TSPAN11: variants seen among roughly 807,000 people sequenced by gnomAD.
TSPAN11 encodes the protein tetraspanin 11.
TSPAN11 carries 29 observed loss-of-function variants against 32.9 expected under a neutral mutation model. That is an observed-to-expected ratio of 0.88 (90% CI 0.66 to 1.20). The LOEUF is 1.20. Among genes scored for constraint, TSPAN11 ranks in the 50% most tolerant of loss-of-function variants. TSPAN11 has a pLI of 0.00. For missense variants in TSPAN11, 283 were observed against 329.1 expected (o/e 0.86, Z 1.08); for synonymous variants, 140 against 141.3 (o/e 0.99, Z 0.07).
intron 1 of TSPAN11, among the ~76,000 whole-genome samples, chr12:30,941,306 G>A (rs958501001): frequency 2.0e-5 from 3 of 152,210 alleles, no homozygotes; most frequent in African/African-American, 7.2e-5. Flanking sequence ...CCAATCCCCC[G>A]CATATACTGT....
chr12:30,936,910 C>T (rs1938057036), intron 1 of TSPAN11, among the ~76,000 whole-genome samples: 1 of 152,098 alleles, frequency 6.6e-6, no homozygotes, highest in Non-Finnish European at 1.5e-5. Flanking sequence ...GGAATGCCAT[C>T]CTTAAAGGTG....
chr12:30,993,396 AG>A lies in TSPAN11; in HGVS notation c.*1482del, dbSNP rs1361814157. ...CATAGGAGTGGCCTCAAGGCCACCC[AG>A]TGCTGACCCCAACAGAGCCCTGAAC... On this transcript the variant is annotated 3_prime_UTR_variant, in exon 8 of 8. Transcript: ENST00000546076. The A allele has an allele frequency of 1.3e-5, 2 of 152,446 alleles. No homozygotes were observed. The highest frequency in any genetic ancestry group is 4.8e-5 in the African/African-American group (2 of 41,462). 9.4% of individuals were successfully genotyped at this position (152,446 alleles called of 1,614,324 possible).
intron 3 of TSPAN11, among the ~76,000 whole-genome samples, chr12:30,974,346 C>T (rs1938916071): frequency 1.3e-5 from 2 of 152,200 alleles, no homozygotes; most frequent in Admixed American, 1.3e-4. Flanking sequence ...GGGAGACTGC[C>T]CTGCACCCAG....
At chr12:30,988,329 G>A (rs1052972903) in intron 7 of TSPAN11, 1 of 152,446 alleles carries the variant, frequency 6.6e-6, no homozygotes, top group Non-Finnish European at 1.5e-5. Context: ...AGTGGCTCAC[G>A]CCTGTAATCC....
chr12:30,954,154 C>T, intron 2 of TSPAN11, 79 bp downstream of exon 2: 1 of 1,020,612 alleles, frequency 9.8e-7, no homozygotes, highest in Non-Finnish European at 1.5e-6. Context: ...TGTGTCACCA[C>T]TTTGAGGTTG....
chr12:30,942,458 A>G (rs1055276336), intron 1 of TSPAN11, among the ~76,000 whole-genome samples: 2 of 152,154 alleles, frequency 1.3e-5, no homozygotes, highest in African/African-American at 4.8e-5. Flanking sequence ...TTGCTTCATC[A>G]CTGATTTTTG....
Position 30,994,246 on chromosome 12 carries a change from G to C in TSPAN11, c.*2331G>C, listed in dbSNP as rs182471204. Reference sequence around the variant, plus strand: ...CAGAGCCAACGATGTGGTCCCCAGCGGGGTGTGCCCCTCCTGCTGACGAGG... The same window carrying C: ...CAGAGCCAACGATGTGGTCCCCAGCCGGGTGTGCCCCTCCTGCTGACGAGG... On this transcript the variant is annotated 3_prime_UTR_variant, in exon 8 of 8. Coordinates refer to ENST00000546076, the MANE Select transcript of TSPAN11 (RefSeq NM_001370302.1). The C allele has an allele frequency of 6.6e-6, 1 of 152,334 alleles. No homozygotes were observed. Among genetic ancestry groups the C allele is most frequent in the Non-Finnish European group, 1.5e-5 (1 of 68,144 alleles). 9.4% of individuals were successfully genotyped at this position (152,334 alleles called of 1,614,324 possible).
intron 2 of TSPAN11, among the ~76,000 whole-genome samples, chr12:30,956,827 C>T (rs61589216): frequency 0.11 from 16,109 of 152,232 alleles, 873 homozygotes; most frequent in Non-Finnish European, 0.12. Flanking sequence ...ACGTTTCTAG[C>T]CCCCCAGGCA....
In TSPAN11 at chr12:30,995,867, C is replaced by G. The variant is rs35066; in HGVS notation, c.*3952C>G. On this transcript the variant is annotated 3_prime_UTR_variant, in exon 8 of 8. Coordinates refer to ENST00000546076, the MANE Select transcript of TSPAN11 (RefSeq NM_001370302.1). ...ATCATTTGCATTTCTGACAAGTTCC[C>G]AGGAGCTGCAGCTGCTGGCCCTGGA... is the stretch of plus-strand genomic sequence containing the variant. 6.6e-6 allele frequency: 1 copy of G among 151,846 alleles called. No individual in the cohort carries two copies. Among genetic ancestry groups the G allele is most frequent in the Non-Finnish European group, 1.5e-5 (1 of 67,992 alleles). 9.4% of individuals were successfully genotyped at this position (151,846 alleles called of 1,614,324 possible). A position where few individuals can be genotyped will look rare whatever the true frequency, so the allele number is the denominator to read the frequency against.
the TSPAN11 span, among the ~76,000 whole-genome samples, chr12:31,014,688 T>C: frequency 2.0e-5 from 3 of 152,228 alleles, no homozygotes; most frequent in Admixed American, 2.0e-4. Flanking sequence ...GTTTTCTTGA[T>C]ACTGACAGAA....
chr12:30,971,685 G>A (rs1938853944), intron 3 of TSPAN11, among the ~76,000 whole-genome samples: 1 of 152,096 alleles, frequency 6.6e-6, no homozygotes, highest in South Asian at 2.1e-4. Flanking sequence ...AGGAGTTCGA[G>A]GCTGCAGTGA....
chr12:30,959,192 G>A lies in TSPAN11; in HGVS notation c.85-4634G>A, dbSNP rs547735417. Among the ~76,000 whole-genome samples the A allele has an allele frequency of 1.1e-4, 17 of 152,204 alleles. No homozygotes were observed. The South Asian group carries it at 1.9e-3, about 17-fold the overall frequency. On this transcript the variant is annotated intron_variant, in intron 2 of 7. Transcript: ENST00000546076. ...CGGGTACCAGGCCGTGTGCTGGGCC[G>A]CGTTCTGAGGGGAGTGAGGGGACTT... is the stretch of plus-strand genomic sequence containing the variant.
At chr12:31,011,242 A>G in the TSPAN11 span, among the ~76,000 whole-genome samples, 1 of 152,080 alleles carries the variant, frequency 6.6e-6, no homozygotes, top group South Asian at 2.1e-4. Flanking sequence ...GAAAATACAA[A>G]AATTAGCCAG....
At position 30,994,730 on chromosome 12, in the gene TSPAN11, G is replaced by C. The variant is rs1003179294; in HGVS notation, c.*2815G>C. 3 of 152,182 alleles carry C rather than the reference G, an allele frequency of 2.0e-5. No individual in the cohort carries two copies. The highest frequency in any genetic ancestry group is 7.2e-5 in the African/African-American group (3 of 41,444). 9.4% of individuals were successfully genotyped at this position (152,182 alleles called of 1,614,324 possible). A position where few individuals can be genotyped will look rare whatever the true frequency, so the allele number is the denominator to read the frequency against. On this transcript the variant is annotated 3_prime_UTR_variant, in exon 8 of 8. Transcript: ENST00000546076. ...CCAGGGATTTTTTTGTGTTTACCAA[G>C]GTCCTGCTGTGCACTTAGAATCTGT... is the stretch of plus-strand genomic sequence containing the variant.
intron 1 of TSPAN11, among the ~76,000 whole-genome samples, chr12:30,937,159 A>T (rs141385792): frequency 6.6e-6 from 1 of 152,312 alleles, no homozygotes; most frequent in Non-Finnish European, 1.5e-5. Flanking sequence ...GGCAATTGGA[A>T]GTGACTTTGG....
At chr12:30,927,683 AG>A (rs1565785154) in intron 1 of TSPAN11, among the ~76,000 whole-genome samples, 1 of 152,074 alleles carries the variant, frequency 6.6e-6, no homozygotes, top group African/African-American at 2.4e-5. Flanking sequence ...GAAGAGAATG[AG>A]GGTGGTATTA....
At position 30,989,440 on chromosome 12, in the gene TSPAN11, G is replaced by A. The variant is rs142735606; in HGVS notation, c.703-2416G>A. On this transcript the variant is annotated intron_variant, in intron 7 of 7. Transcript: ENST00000546076. The stretch of plus-strand genomic sequence containing the variant: ...CTGCCTGGCCTCTCAAAGGATTGGG[G>A]TGTTGGAAGGACTGGGTGCTGTGCT... 3.2e-3 allele frequency among the ~76,000 whole-genome samples: 490 copies of A among 152,284 alleles called. 3 individuals are homozygous for A. Among genetic ancestry groups the A allele is most frequent in the African/African-American group, 0.011 (471 of 41,560 alleles).
chr12:30,970,920 C>T (rs1198268967), intron 3 of TSPAN11, among the ~76,000 whole-genome samples: 2 of 152,202 alleles, frequency 1.3e-5, no homozygotes, highest in Admixed American at 1.3e-4. Context: ...AATAATTCCC[C>T]CTAGGCTGTT....
intron 1 of TSPAN11, among the ~76,000 whole-genome samples, chr12:30,949,804 G>A (rs933884157): frequency 6.6e-6 from 1 of 152,110 alleles, no homozygotes; most frequent in Non-Finnish European, 1.5e-5. Flanking sequence ...GTCCTCCACA[G>A]ATGAAAGTGA....
Sources: allele counts gnomAD v4.1 joint callset (sites outside exome capture counted in the v4.1 genomes callset), GRCh38; gene constraint gnomAD v4.1.1; transcripts MANE v1.5; gene names NCBI Gene and HGNC (gene_info 2026-07-23, HGNC 2026-07-21).